Variants in ODAD4 observed in about 807,000 individuals in gnomAD.
ODAD4 encodes outer dynein arm-docking complex subunit 4.
ODAD4 carries 49 observed loss-of-function variants against 51.8 expected under a neutral mutation model. The ratio of observed to expected loss-of-function variants is 0.95; its 90% confidence interval spans 0.75 to 1.20. The LOEUF is 1.20. Among genes scored for constraint, ODAD4 ranks in the 50% most tolerant of loss-of-function variants. The pLI is 0.00. For missense variants in ODAD4, 590 were observed against 586.5 expected (o/e 1.01, Z -0.06); for synonymous variants, 235 against 221.3 (o/e 1.06, Z -0.55).
At chr17:41,946,871 G>T (rs2050594046) in intron 8 of ODAD4, among the ~76,000 whole-genome samples, 2 of 149,578 alleles carry the variant, frequency 1.3e-5, no homozygotes, top group East Asian at 2.0e-4. Flanking sequence ...TTTTTTTTGA[G>T]ACGGAGTCTC....
chr17:41,953,041 G>A (rs1271728838), intron 9 of ODAD4, among the ~76,000 whole-genome samples: 2 of 152,068 alleles, frequency 1.3e-5, no homozygotes, highest in African/African-American at 4.8e-5. Flanking sequence ...CTAGCCAAGT[G>A]TAATGGCGTT....
intron 1 of ODAD4, among the ~76,000 whole-genome samples, 188 bp from the exon 2 acceptor site, chr17:41,935,029 C>T (rs1175038264): frequency 6.6e-6 from 1 of 152,154 alleles, no homozygotes; most frequent in Non-Finnish European, 1.5e-5. Flanking sequence ...GAGCGCAGAT[C>T]GGAGTTGTTC....
chr17:41,938,839 AG>A, intron 6 of ODAD4, 58 bp downstream of exon 6: 1 of 1,584,192 alleles, frequency 6.3e-7, no homozygotes, highest in Non-Finnish European at 8.6e-7. Flanking sequence ...CAGGTGGGGA[AG>A]GAGCAACCAG....
intron 1 of ODAD4, among the ~76,000 whole-genome samples, chr17:41,934,038 CTTTT>C (rs782039270): frequency 1.5e-5 from 1 of 65,496 alleles, no homozygotes; most frequent in Non-Finnish European, 2.6e-5. Context: ...TTCTTTCTTT[CTTTT>C]TTTTTTTTTT....
intron 7 of ODAD4, among the ~76,000 whole-genome samples, chr17:41,941,217 TC>T (rs1222755907): frequency 1.3e-5 from 2 of 152,196 alleles, no homozygotes; most frequent in African/African-American, 4.8e-5. Flanking sequence ...AGTTCAGCTG[TC>T]CTTTCTCTGA....
intron 2 of ODAD4, 25 bp from the exon 3 acceptor site, chr17:41,935,574 T>C (rs782382972): frequency 1.2e-6 from 2 of 1,602,636 alleles, no homozygotes; most frequent in Non-Finnish European, 8.5e-7. Flanking sequence ...TCTGTTCACA[T>C]TGATTTGATT....
rs1005431400 is a variant in ODAD4 at position 41,938,445 on chromosome 17, C to T, written c.626-112C>T. Reference sequence around the variant, plus strand: ...CACACTCCTCTCTGTTTCAACAACTCCAAGCAGAGCAAGTTCACAGAGGGC... The same window carrying T: ...CACACTCCTCTCTGTTTCAACAACTTCAAGCAGAGCAAGTTCACAGAGGGC... On this transcript the variant is annotated intron_variant, in intron 5 of 11. Transcript: ENST00000377540. The T allele has an allele frequency of 5.9e-6, 5 of 851,082 alleles. No homozygotes were observed. The Admixed American group carries it at 9.6e-5, about 16-fold the overall frequency. The allele number at this position is 851,082 out of a possible 1,614,324, so 52.7% of individuals were successfully genotyped here.
At chr17:41,951,465 C>T (rs1598084739) in intron 9 of ODAD4, among the ~76,000 whole-genome samples, 1 of 147,624 alleles carries the variant, frequency 6.8e-6, no homozygotes, top group South Asian at 2.2e-4. Context: ...TTTGAGAAGG[C>T]GTCTCACTCT....
intron 7 of ODAD4, among the ~76,000 whole-genome samples, chr17:41,942,720 G>A (rs2050523455): frequency 6.6e-6 from 1 of 152,140 alleles, no homozygotes; most frequent in South Asian, 2.1e-4. Flanking sequence ...AGGGATGGAG[G>A]ACTTGGAGAA....
intron 7 of ODAD4, among the ~76,000 whole-genome samples, chr17:41,942,274 C>T (rs2050517488): frequency 6.6e-6 from 1 of 152,184 alleles, no homozygotes; most frequent in African/African-American, 2.4e-5. Flanking sequence ...CTCACCCAGG[C>T]TTACTCCAGT....
intron 9 of ODAD4, among the ~76,000 whole-genome samples, chr17:41,952,441 G>A (rs1555640267): frequency 1.4e-5 from 2 of 146,462 alleles, no homozygotes; most frequent in East Asian, 2.1e-4. Flanking sequence ...GGAGGCTGAG[G>A]TAGAAGGATC....
intron 8 of ODAD4, 97 bp downstream of exon 8, chr17:41,945,319 C>T: frequency 1.6e-6 from 1 of 643,148 alleles, no homozygotes; most frequent in Non-Finnish European, 2.4e-6. Context: ...CCAGCCTGGG[C>T]AACATAGGAA....
At chr17:41,944,440 ACACACCC>A (rs1369665423) in intron 7 of ODAD4, among the ~76,000 whole-genome samples, 8 of 4,772 alleles carry the variant, frequency 1.7e-3, no homozygotes, top group Admixed American at 3.4e-3. Flanking sequence ...ACACACACAC[ACACACCC>A]CCCCGCATAC....
intron 10 of ODAD4, among the ~76,000 whole-genome samples, chr17:41,956,072 T>C (rs1316003253): frequency 7.0e-6 from 1 of 142,192 alleles, no homozygotes; most frequent in East Asian, 2.1e-4. Flanking sequence ...TTTTTGAGAC[T>C]GAGTCTCACT....
rs982404859 is a variant in ODAD4, at chr17:41,947,447, T to C, written c.1146-1706T>C. Reference sequence around the variant, plus strand: ...TTGAAGTGAGCCGAGATCACGCCACTGCACTCCAGCCTGGGTGACGCAGCA... The same window carrying C: ...TTGAAGTGAGCCGAGATCACGCCACCGCACTCCAGCCTGGGTGACGCAGCA... On this transcript the variant is annotated intron_variant, in intron 8 of 11. Transcript: ENST00000377540. 5.9e-3 allele frequency among the ~76,000 whole-genome samples: 893 copies of C among 150,704 alleles called. 8 individuals are homozygous for C. The highest frequency in any genetic ancestry group is 0.021 in the African/African-American group (863 of 41,016).
At chr17:41,943,779 G>A (rs2050539698) in intron 7 of ODAD4, among the ~76,000 whole-genome samples, 1 of 152,110 alleles carries the variant, frequency 6.6e-6, no homozygotes, top group Non-Finnish European at 1.5e-5. Context: ...GAACAGCCTG[G>A]GCAAATTAGT....
chr17:41,963,906 T>A (rs1302975739), intron 11 of ODAD4, among the ~76,000 whole-genome samples: 1 of 150,600 alleles, frequency 6.6e-6, no homozygotes, highest in African/African-American at 2.4e-5. Flanking sequence ...GTGCCTTTTT[T>A]TTTTTTTGAA....
intron 8 of ODAD4, among the ~76,000 whole-genome samples, chr17:41,946,779 C>T (rs1165580437): frequency 2.0e-5 from 3 of 152,082 alleles, no homozygotes; most frequent in East Asian, 1.9e-4. Flanking sequence ...CAGGTTCAAG[C>T]GATTCTCTCC....
chr17:41,938,866 GTC>G lies in ODAD4; in HGVS notation c.850+90_850+91del, dbSNP rs782141023. On this transcript the variant is annotated intron_variant, in intron 6 of 11. Transcript: ENST00000377540. ...GAGCAACCAGGTGTCTGAGCCCCTG[GTC>G]TCTCAGACCTGCAGATGGTGTCTGC... 4.4e-6 allele frequency: 7 copies of G among 1,574,760 alleles called. No individual in the cohort carries two copies. The South Asian group carries it at 5.7e-5, about 13-fold the overall frequency.
Sources: gnomAD v4.1 joint callset for allele counts (sites outside exome capture counted in the v4.1 genomes callset) on GRCh38, gnomAD v4.1.1 for gene constraint, MANE v1.5 for transcripts, NCBI Gene and HGNC (gene_info 2026-07-23, HGNC 2026-07-21) for gene names.